Variants in ALG5 observed in about 807,000 individuals in gnomAD.
ALG5 encodes ALG5 dolichyl-phosphate beta-glucosyltransferase.
ALG5 carries 26 observed loss-of-function variants against 51.8 expected under a neutral mutation model. The observed-to-expected ratio is 0.50, with a 90% CI of 0.37 to 0.70. The LOEUF (loss-of-function observed/expected upper bound fraction) is 0.70. Among genes scored for constraint, ALG5 ranks in the 30% least tolerant of loss-of-function variants. The probability of loss-of-function intolerance (pLI) is 0.00; values close to 1 mark genes in which losing one functional copy is unlikely to be tolerated. For synonymous variants in ALG5, 141 were observed against 136.1 expected (o/e 1.04, Z -0.25); for missense variants, 311 against 399.3 (o/e 0.78, Z 1.88).
chr13:36,991,958 T>C (rs539467346), intron 4 of ALG5, among the ~76,000 whole-genome samples: 1 of 152,306 alleles, frequency 6.6e-6, no homozygotes, highest in South Asian at 2.1e-4. Flanking sequence ...AAGTCCTGGC[T>C]GTCCCTTACT....
intron 4 of ALG5, among the ~76,000 whole-genome samples, chr13:36,991,253 T>C (rs2059024158): frequency 6.6e-6 from 1 of 152,162 alleles, no homozygotes; most frequent in Admixed American, 6.5e-5. Flanking sequence ...CCAAACACCA[T>C]TTCTCTTTTC....
At chr13:36,971,441 G>A (rs868830196) in intron 7 of ALG5, among the ~76,000 whole-genome samples, 1 of 152,038 alleles carries the variant, frequency 6.6e-6, no homozygotes, top group Non-Finnish European at 1.5e-5. Flanking sequence ...GAGCTCAGGA[G>A]TTCAAGACCA....
chr13:36,972,141 T>A (rs2058926962), intron 6 of ALG5, 105 bp from the exon 7 acceptor site: 2 of 979,866 alleles, frequency 2.0e-6, no homozygotes, highest in African/African-American at 3.3e-5. Flanking sequence ...TTTAAAAAAG[T>A]TGACATTAAA....
intron 1 of ALG5, 150 bp downstream of exon 1, chr13:36,999,085 G>A: frequency 3.6e-6 from 2 of 562,586 alleles, no homozygotes; most frequent in Non-Finnish European, 2.8e-6. Flanking sequence ...TGAAACTCCA[G>A]GAAACTCCGA....
intron 3 of ALG5, 83 bp downstream of exon 3, chr13:36,994,906 A>T: frequency 8.3e-7 from 1 of 1,209,574 alleles, no homozygotes; most frequent in Non-Finnish European, 1.2e-6. Flanking sequence ...TGCCTCTCAC[A>T]GTGCATCTGG....
chr13:36,971,237 T>C (rs936524004), intron 7 of ALG5, among the ~76,000 whole-genome samples: 1 of 152,192 alleles, frequency 6.6e-6, no homozygotes, highest in Non-Finnish European at 1.5e-5. Context: ...ATAGTGATAG[T>C]GTTTTTCTAA....
chr13:36,971,199 C>A (rs917959298), intron 7 of ALG5, among the ~76,000 whole-genome samples: 7 of 152,000 alleles, frequency 4.6e-5, no homozygotes, highest in Non-Finnish European at 7.4e-5. Flanking sequence ...CCTAAAAGGG[C>A]AGTTGCAAAC....
intron 3 of ALG5, 25 bp downstream of exon 3, chr13:36,994,961 TATC>T: frequency 6.2e-7 from 1 of 1,601,134 alleles, no homozygotes. Flanking sequence ...TAATTGGAGA[TATC>T]ATATTAAAAG....
In ALG5 at chr13:36,999,259, C is replaced by A. The variant is rs1256632510; in HGVS notation, c.42G>T (p.Ala14=). 4 of 1,580,452 alleles carry A rather than the reference C, an allele frequency of 2.5e-6. No individual in the cohort carries two copies. Among genetic ancestry groups the A allele is most frequent in the Non-Finnish European group, 2.6e-6 (3 of 1,166,256 alleles). Residue 14 remains alanine (A), a synonymous_variant, in exon 1 of 10, where the codon GCG becomes GCT. Coordinates refer to ENST00000239891, the MANE Select transcript of ALG5 (RefSeq NM_013338.5). ...LLLQLAVLGA[A]LAAAALVLIS... is the part of the protein sequence containing the mutation. ...CCAGTACGAGGGCTGCGGCCGCCAG[C>A]GCCGCGCCGAGCACCGCCAGCTGCA...
intron 5 of ALG5, among the ~76,000 whole-genome samples, chr13:36,987,186 T>C (rs1425219287): frequency 6.6e-6 from 1 of 152,196 alleles, no homozygotes; most frequent in Non-Finnish European, 1.5e-5. Context: ...TGGATACCAC[T>C]GCATGTTGTT....
At chr13:36,965,396 G>A (rs966694319) in intron 8 of ALG5, among the ~76,000 whole-genome samples, 179 bp downstream of exon 8, 2 of 152,076 alleles carry the variant, frequency 1.3e-5, no homozygotes, top group Non-Finnish European at 2.9e-5. Flanking sequence ...TTGGGTTTGT[G>A]TATTTTCAAA....
chr13:36,953,409 T>C (rs2138777187), intron 8 of ALG5, among the ~76,000 whole-genome samples: 1 of 152,340 alleles, frequency 6.6e-6, no homozygotes, highest in Middle Eastern at 3.4e-3. Context: ...TAAGTTTTCC[T>C]GGATTCTGCT....
chr13:36,970,224 C>G (rs2058915735), intron 7 of ALG5, among the ~76,000 whole-genome samples: 1 of 152,046 alleles, frequency 6.6e-6, no homozygotes, highest in African/African-American at 2.4e-5. Context: ...GTGCTATTCT[C>G]TATGGTTAAC....
At chr13:36,985,101 G>A (rs572204556) in intron 6 of ALG5, among the ~76,000 whole-genome samples, 2 of 151,456 alleles carry the variant, frequency 1.3e-5, no homozygotes, top group African/African-American at 4.8e-5. Context: ...TCAGGATCCT[G>A]AGCGTTTGCC....
At chr13:36,985,261 C>T (rs2058997090) in intron 6 of ALG5, among the ~76,000 whole-genome samples, 1 of 151,916 alleles carries the variant, frequency 6.6e-6, no homozygotes, top group Admixed American at 6.6e-5. Context: ...TTGTTTGTTT[C>T]ATCAAAAACT....
At chr13:36,965,441 A>G (rs1201435003) in intron 8 of ALG5, 134 bp downstream of exon 8, 2 of 934,944 alleles carry the variant, frequency 2.1e-6, no homozygotes, top group African/African-American at 1.6e-5. Flanking sequence ...TAAAGGCAAG[A>G]TCAAGTTTAC....
At chr13:36,991,842 C>T (rs1281647734) in intron 4 of ALG5, among the ~76,000 whole-genome samples, 1 of 152,214 alleles carries the variant, frequency 6.6e-6, no homozygotes, top group African/African-American at 2.4e-5. Context: ...TCACTGTAAC[C>T]TTGAACTCTT....
chr13:36,970,868 G>A lies in ALG5; in HGVS notation c.621+1109C>T, dbSNP rs551057010. Among the ~76,000 whole-genome samples, 156 of 152,220 alleles carry A rather than the reference G, an allele frequency of 1.0e-3. 1 individual carries two copies. Among genetic ancestry groups the A allele is most frequent in the Non-Finnish European group, 9.6e-4 (65 of 68,002 alleles). ...AGAGGTTGCAGTGAGCCAAGATTGCGCCACTGCACTGCATCCTGGGTGACA... is the reference window on the plus strand; with the variant it reads ...AGAGGTTGCAGTGAGCCAAGATTGCACCACTGCACTGCATCCTGGGTGACA... On this transcript the variant is annotated intron_variant, in intron 7 of 9. Coordinates refer to ENST00000239891, the MANE Select transcript of ALG5 (RefSeq NM_013338.5).
At chr13:36,958,128 C>T (rs1313931032) in intron 8 of ALG5, among the ~76,000 whole-genome samples, 1 of 152,100 alleles carries the variant, frequency 6.6e-6, no homozygotes, top group Admixed American at 6.5e-5. Flanking sequence ...CGCAGATCCC[C>T]AATCCCCATG....
Sources: gnomAD v4.1 joint callset for allele counts (sites outside exome capture counted in the v4.1 genomes callset) on GRCh38, gnomAD v4.1.1 for gene constraint, MANE v1.5 for transcripts, NCBI Gene and HGNC (gene_info 2026-07-23, HGNC 2026-07-21) for gene names.